CCSER1: variants seen among roughly 807,000 people sequenced by gnomAD.
The protein encoded by CCSER1 is serine-rich coiled-coil domain-containing protein 1.
A neutral mutation model predicts 82.0 loss-of-function variants in CCSER1; 41 were observed. The ratio of observed to expected loss-of-function variants is 0.50; its 90% CI spans 0.39 to 0.65. The LOEUF is 0.65. Ranked by LOEUF, CCSER1 falls within the 30% of genes least tolerant of loss-of-function variation. CCSER1 has a pLI of 0.00. For synonymous variants in CCSER1, 414 were observed against 383.9 expected, an observed-to-expected ratio of 1.08 and a Z score of -0.92; for missense variants, 1,119 against 1,064.2, an observed-to-expected ratio of 1.05 and a Z score of -0.72.
At chr4:91,071,583 A>G (rs1721440844) in intron 9 of CCSER1, among the ~76,000 whole-genome samples, 1 of 152,158 alleles carries the variant, frequency 6.6e-6, no homozygotes, top group African/African-American at 2.4e-5. Flanking sequence ...CAGACATAAT[A>G]GACAGATTCA....
intron 4 of CCSER1, among the ~76,000 whole-genome samples, chr4:90,452,226 G>A (rs74371027): frequency 0.012 from 1,834 of 152,178 alleles, 17 homozygotes; most frequent in South Asian, 0.022. Flanking sequence ...GGTCCTCTCC[G>A]GCTGCATAGG....
At chr4:91,295,885 A>T (rs542552258) in intron 10 of CCSER1, among the ~76,000 whole-genome samples, 4 of 152,046 alleles carry the variant, frequency 2.6e-5, no homozygotes, top group East Asian at 1.9e-4. Context: ...TATATTTTGT[A>T]TTAGGATATT....
chr4:91,105,711 TAAATAAAAATAACA>T (rs1157403923), intron 10 of CCSER1, among the ~76,000 whole-genome samples: 1 of 151,688 alleles, frequency 6.6e-6, no homozygotes, highest in Non-Finnish European at 1.5e-5. Flanking sequence ...CTCAAAAAAA[TAAATAAAAATAACA>T]AAATAAAAAT....
At chr4:91,114,686 A>G (rs1320131231) in intron 10 of CCSER1, among the ~76,000 whole-genome samples, 1 of 152,194 alleles carries the variant, frequency 6.6e-6, no homozygotes, top group Non-Finnish European at 1.5e-5. Context: ...AAGAAAGATG[A>G]GAGGGAGGGA....
At chr4:90,275,002 A>C (rs1727274029) in intron 1 of CCSER1, among the ~76,000 whole-genome samples, 1 of 152,168 alleles carries the variant, frequency 6.6e-6, no homozygotes. Flanking sequence ...ATTGGTAATC[A>C]CTTTCTATGA....
intron 1 of CCSER1, among the ~76,000 whole-genome samples, chr4:90,274,318 G>C (rs772279161): frequency 2.6e-5 from 4 of 152,062 alleles, no homozygotes; most frequent in Non-Finnish European, 4.4e-5. Context: ...AAACTACCAG[G>C]GAGTTGTGGA....
At chr4:90,359,472 C>T (rs1004660035) in intron 3 of CCSER1, among the ~76,000 whole-genome samples, 1 of 151,872 alleles carries the variant, frequency 6.6e-6, no homozygotes, top group Non-Finnish European at 1.5e-5. Flanking sequence ...GGGCGCGGTG[C>T]CTCATGCCTG....
intron 10 of CCSER1, among the ~76,000 whole-genome samples, chr4:91,398,844 T>C (rs2149357475): frequency 6.6e-6 from 1 of 151,982 alleles, no homozygotes; most frequent in South Asian, 2.1e-4. Flanking sequence ...AGAGCTTATA[T>C]ACATTTTGAT....
At chr4:90,251,981 A>G (rs188129575) in intron 1 of CCSER1, among the ~76,000 whole-genome samples, 11 of 151,438 alleles carry the variant, frequency 7.3e-5, no homozygotes, top group Admixed American at 2.0e-4. Flanking sequence ...TATTTTCTTA[A>G]TTCTGCTGGC....
chr4:91,192,994 C>T (rs1735126025), intron 10 of CCSER1, among the ~76,000 whole-genome samples: 1 of 152,138 alleles, frequency 6.6e-6, no homozygotes, highest in African/African-American at 2.4e-5. Context: ...TAGCTAACTT[C>T]CTCCTTTGTC....
chr4:90,927,665 A>G (rs1196022785), intron 9 of CCSER1, among the ~76,000 whole-genome samples: 2 of 152,016 alleles, frequency 1.3e-5, no homozygotes, highest in East Asian at 3.8e-4. Flanking sequence ...TATTTGCATT[A>G]TGGATGTACA....
chr4:91,334,087 T>C (rs55833235), intron 10 of CCSER1, among the ~76,000 whole-genome samples: 9,874 of 152,168 alleles, frequency 0.065, 421 homozygotes, highest in African/African-American at 0.11. Flanking sequence ...AAAAATTCAG[T>C]GTTATTTCAA....
At chr4:90,750,048 G>A (rs147381289) in intron 7 of CCSER1, among the ~76,000 whole-genome samples, 4 of 152,014 alleles carry the variant, frequency 2.6e-5, no homozygotes, top group Admixed American at 1.3e-4. Flanking sequence ...GCCAGTGATG[G>A]TGAGCATTTT....
At chr4:91,537,660 AT>A (rs953043554) in intron 10 of CCSER1, among the ~76,000 whole-genome samples, 30 of 152,104 alleles carry the variant, frequency 2.0e-4, no homozygotes, top group African/African-American at 7.0e-4. Context: ...GTACAAAATT[AT>A]TTTTTGAGTA....
At chr4:90,913,331 A>G (rs1007630303) in intron 8 of CCSER1, among the ~76,000 whole-genome samples, 1 of 152,230 alleles carries the variant, frequency 6.6e-6, no homozygotes, top group African/African-American at 2.4e-5. Context: ...AGAGGGGGCC[A>G]ATATTCAACA....
At chr4:90,752,227 G>C (rs1433194380) in intron 7 of CCSER1, among the ~76,000 whole-genome samples, 2 of 152,068 alleles carry the variant, frequency 1.3e-5, no homozygotes, top group Non-Finnish European at 2.9e-5. Flanking sequence ...CCTCTGATAT[G>C]CCTCCAATAA....
At chr4:90,541,043 G>A (rs2036152) in intron 5 of CCSER1, among the ~76,000 whole-genome samples, 70,926 of 151,760 alleles carry the variant, frequency 0.47, 20,712 homozygotes, top group African/African-American at 0.84. Context: ...GATTCATTAG[G>A]TAAGAAAATT....
At chr4:91,479,910 A>T (rs1215085905) in intron 10 of CCSER1, among the ~76,000 whole-genome samples, 6 of 103,244 alleles carry the variant, frequency 5.8e-5, no homozygotes, top group South Asian at 7.9e-4. Context: ...ACCCCACCAC[A>T]GTCCCCAGAG....
intron 1 of CCSER1, among the ~76,000 whole-genome samples, chr4:90,217,253 G>C (rs1001162456): frequency 7.2e-5 from 11 of 152,114 alleles, no homozygotes; most frequent in Non-Finnish European, 1.3e-4. Context: ...CTGGAGTGCA[G>C]TGGTGCGATC....
Sources: allele counts gnomAD v4.1 joint callset (sites outside exome capture counted in the v4.1 genomes callset), GRCh38; gene constraint gnomAD v4.1.1; transcripts MANE v1.5; gene names NCBI Gene and HGNC (gene_info 2026-07-23, HGNC 2026-07-21).